Variants in MAGI3 observed in about 807,000 individuals in gnomAD.
MAGI3 encodes the protein membrane associated guanylate kinase, WW and PDZ domain containing 3.
In MAGI3, 43 loss-of-function variants were observed where a neutral mutation model predicts 121.8. That is an observed-to-expected ratio of 0.35 (90% confidence interval 0.28 to 0.46). The LOEUF is 0.46. Among genes scored for constraint, MAGI3 ranks in the 20% least tolerant of loss-of-function variants. The pLI is 1.00. For missense variants in MAGI3, 1,547 were observed against 1,797.3 expected, an observed-to-expected ratio of 0.86 and a Z score of 2.52; for synonymous variants, 553 against 639.3, an observed-to-expected ratio of 0.86 and a Z score of 2.04.
chr1:113,683,251 C>G lies in MAGI3; in HGVS notation c.3683C>G (p.Ala1228Gly), dbSNP rs767031857. Residue 1228 changes from alanine to glycine, a missense_variant, in exon 21 of 21, where the codon GCC becomes GGC. Transcript: ENST00000307546. ...AGATCGGTTAGTCCCAAAAAGCCAGCCAGTCAACATTCAGAGGAACATTTG... is the reference window on the plus strand; with the variant it reads ...AGATCGGTTAGTCCCAAAAAGCCAGGCAGTCAACATTCAGAGGAACATTTG... ...RGRSVSPKKPASQHSEEHLDK... is the reference protein window; with the variant it reads ...RGRSVSPKKPGSQHSEEHLDK... 5.0e-6 allele frequency: 8 copies of G among 1,612,990 alleles called. No homozygotes were observed. Among genetic ancestry groups the G allele is most frequent in the Non-Finnish European group, 5.1e-6 (6 of 1,179,686 alleles).
intron 1 of MAGI3, among the ~76,000 whole-genome samples, chr1:113,393,097 A>G (rs967689069): frequency 2.0e-5 from 3 of 152,212 alleles, no homozygotes; most frequent in Non-Finnish European, 4.4e-5. Flanking sequence ...AGAGATGGCT[A>G]TTTCATAACA....
intron 2 of MAGI3, among the ~76,000 whole-genome samples, chr1:113,554,003 G>A (rs545023132): frequency 3.9e-5 from 6 of 152,140 alleles, no homozygotes; most frequent in East Asian, 1.9e-4. Context: ...GCGAGACTAC[G>A]TCTCAAACAA....
intron 9 of MAGI3, among the ~76,000 whole-genome samples, chr1:113,639,381 C>T (rs1422541128): frequency 6.6e-6 from 1 of 152,098 alleles, no homozygotes; most frequent in Non-Finnish European, 1.5e-5. Flanking sequence ...TCTCGGCTCC[C>T]ACCTGTTTAG....
intron 6 of MAGI3, among the ~76,000 whole-genome samples, chr1:113,611,959 A>ATTTATTT (rs1650175180): frequency 1.3e-5 from 2 of 151,444 alleles, no homozygotes; most frequent in Middle Eastern, 6.8e-3. Context: ...TTATTTATTT[A>ATTTATTT]TTTATTTATT....
chr1:113,538,652 G>T (rs1209783733), intron 1 of MAGI3, among the ~76,000 whole-genome samples: 2 of 152,150 alleles, frequency 1.3e-5, no homozygotes, highest in African/African-American at 2.4e-5. Flanking sequence ...TGCTAGGAAG[G>T]TCCCATCTTA....
chr1:113,672,795 G>A, intron 18 of MAGI3, 54 bp downstream of exon 18: 8 of 1,548,852 alleles, frequency 5.2e-6, no homozygotes. Flanking sequence ...CCATACCACT[G>A]GCATTGGTGA....
intron 1 of MAGI3, among the ~76,000 whole-genome samples, chr1:113,548,885 A>G (rs1265642394): frequency 6.6e-6 from 1 of 152,174 alleles, no homozygotes; most frequent in Non-Finnish European, 1.5e-5. Context: ...AAAGTCAAAT[A>G]TGTCTTGGAA....
At chr1:113,580,762 C>A in intron 3 of MAGI3, 101 bp downstream of exon 3, 3 of 1,164,506 alleles carry the variant, frequency 2.6e-6, no homozygotes, top group Non-Finnish European at 3.4e-6. Context: ...TTTTGAAAAA[C>A]TTTTTTTCCT....
intron 1 of MAGI3, among the ~76,000 whole-genome samples, chr1:113,492,218 G>A (rs1397978300): frequency 1.3e-5 from 2 of 152,224 alleles, no homozygotes; most frequent in African/African-American, 2.4e-5. Flanking sequence ...TGTAACATAT[G>A]CAAATCAATA....
intron 14 of MAGI3, among the ~76,000 whole-genome samples, chr1:113,652,314 C>G (rs1038367796): frequency 7.2e-5 from 11 of 152,098 alleles, no homozygotes; most frequent in African/African-American, 2.4e-4. Flanking sequence ...GCTGTAAGCT[C>G]GGCACCTAAA....
In MAGI3 at chr1:113,684,147, T is replaced by C. The variant is rs1445480075; in HGVS notation, c.*133T>C. On this transcript the variant is annotated 3_prime_UTR_variant, in exon 21 of 21. Transcript: ENST00000307546. Reference sequence around the variant, plus strand: ...ATGTTAATGTGAGCCTCAAGTTACCTAGGCTGCATGAAGGGCCTTTAGGAT... The same window carrying C: ...ATGTTAATGTGAGCCTCAAGTTACCCAGGCTGCATGAAGGGCCTTTAGGAT... The C allele has an allele frequency of 6.8e-6, 7 of 1,030,082 alleles. No homozygotes were observed. The South Asian group carries it at 1.4e-4, about 21-fold the overall frequency. The allele number at this position is 1,030,082 out of a possible 1,614,324, so 63.8% of individuals were successfully genotyped here. A position where few individuals can be genotyped will look rare whatever the true frequency, so the allele number is the denominator to read the frequency against.
chr1:113,561,201 G>C (rs1248757307), intron 2 of MAGI3, among the ~76,000 whole-genome samples: 2 of 152,174 alleles, frequency 1.3e-5, no homozygotes, highest in African/African-American at 4.8e-5. Context: ...AGAGGAGCTG[G>C]CACCATTTCT....
At chr1:113,481,959 CT>C (rs147995749) in intron 1 of MAGI3, among the ~76,000 whole-genome samples, 26 of 148,930 alleles carry the variant, frequency 1.7e-4, no homozygotes, top group East Asian at 2.0e-4. Context: ...TTCATTCTCT[CT>C]TTTTTTTTTC....
chr1:113,581,824 C>A (rs1570897350), intron 3 of MAGI3, among the ~76,000 whole-genome samples: 1 of 152,260 alleles, frequency 6.6e-6, no homozygotes. Flanking sequence ...TTCGTTTTAT[C>A]CTGTTTTATT....
At chr1:113,410,177 G>A (rs1651902728) in intron 1 of MAGI3, among the ~76,000 whole-genome samples, 1 of 151,952 alleles carries the variant, frequency 6.6e-6, no homozygotes, top group Non-Finnish European at 1.5e-5. Context: ...GGAATACCCT[G>A]CATTTTGAGA....
At chr1:113,609,644 T>C (rs1366481747) in intron 6 of MAGI3, among the ~76,000 whole-genome samples, 1 of 152,176 alleles carries the variant, frequency 6.6e-6, no homozygotes, top group African/African-American at 2.4e-5. Flanking sequence ...TAGAGAATGA[T>C]TAAAAAAATT....
At chr1:113,507,350 T>C (rs549664832) in intron 1 of MAGI3, among the ~76,000 whole-genome samples, 1 of 152,274 alleles carries the variant, frequency 6.6e-6, no homozygotes, top group African/African-American at 2.4e-5. Flanking sequence ...TCTCTACTAC[T>C]TGTAAGGGGA....
intron 1 of MAGI3, among the ~76,000 whole-genome samples, chr1:113,516,615 GAAGTA>G (rs1322802046): frequency 1.3e-5 from 2 of 151,942 alleles, no homozygotes; most frequent in African/African-American, 4.8e-5. Context: ...AAATTGAAGT[GAAGTA>G]GACAAATCTC....
chr1:113,493,643 A>C (rs899175421), intron 1 of MAGI3, among the ~76,000 whole-genome samples: 1 of 152,216 alleles, frequency 6.6e-6, no homozygotes, highest in Non-Finnish European at 1.5e-5. Context: ...TCAAAGGTCA[A>C]ATATCTAGCA....
Sources: allele counts gnomAD v4.1 joint callset (sites outside exome capture counted in the v4.1 genomes callset), GRCh38; gene constraint gnomAD v4.1.1; transcripts MANE v1.5; gene names NCBI Gene and HGNC (gene_info 2026-07-23, HGNC 2026-07-21).